The following PDSS2 variants were observed in gnomAD, a reference collection of about 807,000 sequenced individuals.
PDSS2 encodes all trans-polyprenyl-diphosphate synthase PDSS2.
Under a neutral mutation model 44.5 loss-of-function variants are expected in PDSS2, and 31 were observed. The observed-to-expected ratio is 0.70, with a 90% CI of 0.52 to 0.94. The LOEUF is 0.94. Among genes scored for constraint, PDSS2 ranks in the 40% least tolerant of loss-of-function variants. The pLI is 0.00. For missense variants in PDSS2, 452 were observed against 482.2 expected (o/e 0.94, Z 0.59); for synonymous variants, 157 against 180.3 (o/e 0.87, Z 1.03).
chr6:107,264,320 A>G, intron 3 of PDSS2: 1 of 1,447,406 alleles, frequency 6.9e-7, no homozygotes, highest in African/African-American at 1.4e-5. Context: ...CAAAGTTAAC[A>G]TAAGGAAATA....
intron 1 of PDSS2, among the ~76,000 whole-genome samples, chr6:107,334,980 C>T (rs1440802506): frequency 2.0e-5 from 3 of 151,642 alleles, no homozygotes; most frequent in Non-Finnish European, 4.4e-5. Context: ...GGTGAAACCC[C>T]GTCCTTACAA....
chr6:107,425,295 G>A (rs1780961496), intron 1 of PDSS2, among the ~76,000 whole-genome samples: 2 of 148,850 alleles, frequency 1.3e-5, no homozygotes, highest in African/African-American at 4.8e-5. Flanking sequence ...TGGGTAACAG[G>A]CAGAGGTTGG....
intron 1 of PDSS2, among the ~76,000 whole-genome samples, chr6:107,413,540 C>G (rs1213725861): frequency 6.6e-6 from 1 of 152,204 alleles, no homozygotes; most frequent in African/African-American, 2.4e-5. Flanking sequence ...TCTTGGCTCA[C>G]TGCAACCTCT....
chr6:107,208,922 T>C (rs995597434), intron 6 of PDSS2, among the ~76,000 whole-genome samples: 2 of 152,216 alleles, frequency 1.3e-5, no homozygotes, highest in Non-Finnish European at 1.5e-5. Context: ...TCTTATTTTT[T>C]TTCTTTTTTT....
At chr6:107,290,870 C>T (rs1174690829) in intron 2 of PDSS2, among the ~76,000 whole-genome samples, 3 of 152,000 alleles carry the variant, frequency 2.0e-5, no homozygotes, top group South Asian at 2.1e-4. Context: ...TAGCTTTTTT[C>T]CCCCCACTTG....
intron 4 of PDSS2, among the ~76,000 whole-genome samples, chr6:107,222,017 A>G (rs1773624586): frequency 6.6e-6 from 1 of 152,202 alleles, no homozygotes; most frequent in Non-Finnish European, 1.5e-5. Context: ...AGGATTTCAG[A>G]TTCATATTCT....
intron 3 of PDSS2, among the ~76,000 whole-genome samples, chr6:107,250,554 G>GT (rs1774782154): frequency 6.6e-6 from 1 of 152,080 alleles, no homozygotes; most frequent in Non-Finnish European, 1.5e-5. Context: ...TGGGGAGGGT[G>GT]TTGGGGGGGG....
chr6:107,276,013 G>A (rs1195254222), intron 2 of PDSS2, among the ~76,000 whole-genome samples: 1 of 150,818 alleles, frequency 6.6e-6, no homozygotes, highest in African/African-American at 2.4e-5. Context: ...CCAGTTACTT[G>A]GGAGGCTGAG....
rs368660241 is a variant in PDSS2 at position 107,239,134 on chromosome 6, G to A, written c.702+6414C>T. ...TCTACTAAAAATACAAAAATTAGCC[G>A]GGCATGGTGGTACACACCTGTAATC... On this transcript the variant is annotated intron_variant, in intron 4 of 7. Transcript: ENST00000369037. Among the ~76,000 whole-genome samples the A allele has an allele frequency of 5.9e-5, 9 of 151,882 alleles. No individual in the cohort carries two copies. The South Asian group carries it at 8.3e-4, about 14-fold the overall frequency.
chr6:107,455,155 C>T (rs757911533), intron 1 of PDSS2, among the ~76,000 whole-genome samples: 1 of 150,870 alleles, frequency 6.6e-6, no homozygotes, highest in South Asian at 2.1e-4. Context: ...TACTATAGTA[C>T]TACAAGGCAG....
intron 1 of PDSS2, among the ~76,000 whole-genome samples, chr6:107,445,013 C>A (rs531228533): frequency 6.6e-6 from 1 of 151,898 alleles, no homozygotes; most frequent in African/African-American, 2.4e-5. Flanking sequence ...ATAAATAAAG[C>A]CTTACTACTC....
intron 1 of PDSS2, among the ~76,000 whole-genome samples, chr6:107,457,374 T>C (rs989340474): frequency 6.6e-6 from 1 of 152,236 alleles, no homozygotes; most frequent in African/African-American, 2.4e-5. Flanking sequence ...TCCAACTGCA[T>C]GTAAATCTAA....
At chr6:107,159,506 T>A (rs1771044591) in intron 7 of PDSS2, among the ~76,000 whole-genome samples, 1 of 147,674 alleles carries the variant, frequency 6.8e-6, no homozygotes, top group South Asian at 2.2e-4. Context: ...TACCTCCGCC[T>A]CCCGGGTTCA....
chr6:107,262,780 A>AG lies in PDSS2; in HGVS notation c.630+11248_630+11249insC, dbSNP rs1039054322. ...GAATGAGACTCTGTCTCAAAAAAAA[A>AG]AGAAAAAAAAAGGAAACTTGGCTGG... On this transcript the variant is annotated intron_variant, in intron 3 of 7. Transcript: ENST00000369037. Among the ~76,000 whole-genome samples, 11 of 152,004 alleles carry AG rather than the reference A, an allele frequency of 7.2e-5. No homozygotes were observed. In the East Asian group the frequency reaches 2.1e-3, roughly 29 times the overall value.
At chr6:107,204,463 T>C (rs1283687588) in intron 6 of PDSS2, among the ~76,000 whole-genome samples, 1 of 152,208 alleles carries the variant, frequency 6.6e-6, no homozygotes, top group Non-Finnish European at 1.5e-5. Flanking sequence ...TTAAATATAG[T>C]TATTACTATT....
At chr6:107,366,474 T>C (rs988354804) in intron 1 of PDSS2, among the ~76,000 whole-genome samples, 1 of 150,540 alleles carries the variant, frequency 6.6e-6, no homozygotes, top group African/African-American at 2.4e-5. Context: ...AAGAGCAAAC[T>C]AACCCCAAGC....
chr6:107,286,773 G>A (rs1363001621), intron 2 of PDSS2, among the ~76,000 whole-genome samples: 1 of 151,700 alleles, frequency 6.6e-6, no homozygotes, highest in Non-Finnish European at 1.5e-5. Context: ...GGCCAGGTGC[G>A]GTGGCTCACA....
At chr6:107,386,698 C>A (rs1168958468) in intron 1 of PDSS2, among the ~76,000 whole-genome samples, 5 of 152,194 alleles carry the variant, frequency 3.3e-5, no homozygotes, top group Non-Finnish European at 5.9e-5. Context: ...CAGCAGACTG[C>A]AAGCTATACT....
At chr6:107,192,071 G>A (rs1772400138) in intron 7 of PDSS2, among the ~76,000 whole-genome samples, 1 of 152,178 alleles carries the variant, frequency 6.6e-6, no homozygotes, top group East Asian at 1.9e-4. Flanking sequence ...TTAAACAACA[G>A]CAACAGAAAG....
Sources: gnomAD v4.1 joint callset for allele counts (sites outside exome capture counted in the v4.1 genomes callset) on GRCh38, gnomAD v4.1.1 for gene constraint, MANE v1.5 for transcripts, NCBI Gene and HGNC (gene_info 2026-07-23, HGNC 2026-07-21) for gene names.